CPLANE1: variants seen among roughly 807,000 people sequenced by gnomAD.
CPLANE1 encodes the protein ciliogenesis and planar polarity effector complex subunit 1, also known as ciliogenesis and planar polarity effector 1.
In CPLANE1, 263 loss-of-function variants were observed where a neutral mutation model predicts 362.5. That is an observed-to-expected ratio of 0.73 (90% confidence interval 0.66 to 0.80). CPLANE1 has a LOEUF of 0.80. Ranked by LOEUF, CPLANE1 falls within the 30% of genes least tolerant of loss-of-function variation. The pLI is 0.00. For synonymous variants in CPLANE1, 1,212 were observed against 1,302.6 expected (o/e 0.93, Z 1.50); for missense variants, 3,461 against 3,793.4 (o/e 0.91, Z 2.30).
At chr5:37,098,309 T>A in the CPLANE1 span, among the ~76,000 whole-genome samples, 2 of 140,548 alleles carry the variant, frequency 1.4e-5, no homozygotes, top group African/African-American at 5.4e-5. Context: ...GGGAATCACA[T>A]GAACCTGGGA....
At chr5:37,147,840 A>G (rs575965539) in intron 43 of CPLANE1, among the ~76,000 whole-genome samples, 1 of 152,138 alleles carries the variant, frequency 6.6e-6, no homozygotes, top group South Asian at 2.1e-4. Context: ...ACAGACAAAC[A>G]GCAACCTCAG....
At chr5:37,218,970 C>T (rs1321030921) in intron 15 of CPLANE1, among the ~76,000 whole-genome samples, 2 of 150,198 alleles carry the variant, frequency 1.3e-5, no homozygotes, top group Admixed American at 6.6e-5. Flanking sequence ...AAAATTAAAA[C>T]AAATGAATTA....
chr5:37,229,203 T>G (rs1383293306), intron 9 of CPLANE1, among the ~76,000 whole-genome samples: 2 of 136,218 alleles, frequency 1.5e-5, no homozygotes, highest in African/African-American at 2.8e-5. Flanking sequence ...GGTAACAGAG[T>G]GAGACTCGGT....
intron 37 of CPLANE1, 66 bp downstream of exon 37, chr5:37,164,207 A>G: frequency 8.2e-7 from 1 of 1,222,916 alleles, no homozygotes; most frequent in Non-Finnish European, 1.2e-6. Context: ...TTCATATTGT[A>G]CATATTTCTA....
At chr5:37,239,931 T>C in intron 6 of CPLANE1, 62 bp from the exon 7 acceptor site, 1 of 1,198,830 alleles carries the variant, frequency 8.3e-7, no homozygotes, top group Non-Finnish European at 1.1e-6. Flanking sequence ...TTATATGTAG[T>C]TCATTACAAA....
At chr5:37,198,408 T>C (rs144411342) in intron 20 of CPLANE1, among the ~76,000 whole-genome samples, 1 of 151,692 alleles carries the variant, frequency 6.6e-6, no homozygotes, top group African/African-American at 2.4e-5. Context: ...CTGGACTGAG[T>C]TTCAATCTTT....
Position 37,138,932 on chromosome 5 carries a change from G to C in CPLANE1, c.8664-84C>G, listed in dbSNP as rs190105248. 4 of 1,198,022 alleles carry C rather than the reference G, an allele frequency of 3.3e-6. No individual in the cohort carries two copies. The Admixed American group carries it at 7.0e-5, about 21-fold the overall frequency. The allele number at this position is 1,198,022 out of a possible 1,614,324, so 74.2% of individuals were successfully genotyped here. ...AAGCAAAAATAAACATGTAACAAAT[G>C]AACACAAAATGATAAACATATATCT... On this transcript the variant is annotated intron_variant, in intron 45 of 52. Transcript: ENST00000651892.
chr5:37,185,938 C>G lies in CPLANE1; in HGVS notation c.4189+348G>C, dbSNP rs541812465. 2.0e-5 allele frequency among the ~76,000 whole-genome samples: 3 copies of G among 152,304 alleles called. No individual in the cohort carries two copies. In the East Asian group the frequency reaches 5.8e-4, roughly 29 times the overall value. ...TGCAATATACAAAGTACCATATGCT[C>G]ATTTTATATTATCTTACTTAATCCT... On this transcript the variant is annotated intron_variant, in intron 24 of 52. Coordinates refer to ENST00000651892, the MANE Select transcript of CPLANE1 (RefSeq NM_001384732.1).
At chr5:37,247,864 C>A in intron 1 of CPLANE1, 119 bp from the exon 2 acceptor site, 7 of 624,912 alleles carry the variant, frequency 1.1e-5, no homozygotes, top group Non-Finnish European at 1.7e-5. Context: ...GTGATATGAT[C>A]TCAGCTCACT....
At chr5:37,128,344 T>C (rs1764818229) in intron 46 of CPLANE1, among the ~76,000 whole-genome samples, 1 of 152,184 alleles carries the variant, frequency 6.6e-6, no homozygotes, top group Non-Finnish European at 1.5e-5. Context: ...TCCATTCTGA[T>C]CACCTCATCT....
At chr5:37,085,698 TC>T in the CPLANE1 span, 1 of 1,166,434 alleles carries the variant, frequency 8.6e-7, no homozygotes, top group African/African-American at 1.5e-5. Flanking sequence ...ATGAAAGATG[TC>T]AATGGCAACA....
Position 37,170,047 on chromosome 5 carries a change from G to T in CPLANE1, c.6456C>A (p.Asn2152Lys), listed in dbSNP as rs186460995. The part of the protein sequence containing the change: ...TIPSGQNSTG[N>K]VQNVPHGSIP... ...GTATTTTTACATACATTACCTGTAC[G>T]TTTCCAGTACTATTTTGACCAGATG... is the stretch of plus-strand genomic sequence containing the variant. Residue 2152 changes from asparagine to lysine, a missense_variant, in exon 33 of 53, where the codon AAC (asparagine) becomes AAA (lysine). This residue lies in a region of CPLANE1 where 3,380 missense variants were observed against 3,666.1 expected (regional missense o/e 0.92). Coordinates refer to ENST00000651892, the MANE Select transcript of CPLANE1 (RefSeq NM_001384732.1). 10 of 1,613,524 alleles carry T rather than the reference G, an allele frequency of 6.2e-6. No individual in the cohort carries two copies. The African/African-American group carries it at 1.2e-4, about 19-fold the overall frequency.
intron 43 of CPLANE1, among the ~76,000 whole-genome samples, chr5:37,145,635 C>T (rs1312677776): frequency 6.6e-6 from 1 of 151,928 alleles, no homozygotes; most frequent in Non-Finnish European, 1.5e-5. Context: ...GTTAAAAATT[C>T]AAGAATAACC....
chr5:37,114,938 CTT>C lies in CPLANE1; in HGVS notation c.9400+20_9400+21del. 7.2e-7 allele frequency: 1 copy of C among 1,383,878 alleles called. No homozygotes were observed. The allele number at this position is 1,383,878 out of a possible 1,614,324, so 85.7% of individuals were successfully genotyped here. ...GAAAATTCAGTATTAAGTCTAAAAA[CTT>C]TATCTTCTTTATCCCTTACCTTTTT... On this transcript the variant is annotated intron_variant, in intron 51 of 52. Transcript: ENST00000651892.
rs1381740657 is a variant in CPLANE1 at position 37,169,324 on chromosome 5, G to A, written c.6700C>T (p.Gln2234Ter). The change falls in exon 34 of 53, where the codon CAA (glutamine) becomes TAA (stop). Residue 2234 changes from glutamine to a stop codon, truncating the protein, a stop_gained. Coordinates refer to ENST00000651892, the MANE Select transcript of CPLANE1 (RefSeq NM_001384732.1). LOFTEE classifies it high-confidence loss of function. ...TGTAAGAAAAGGGGCTGGAATTCTT[G>A]TTTAGACTTAAATTGAAGCAAAGGA... ...GFPLLQFKSK[Q>*]EFQPLFLHTG... 4 of 1,614,056 alleles carry A rather than the reference G, an allele frequency of 2.5e-6. No homozygotes were observed. The highest frequency in any genetic ancestry group is 1.7e-5 in the Admixed American group (1 of 59,992).
At chr5:37,141,349 G>C in intron 44 of CPLANE1, 1 of 985,310 alleles carries the variant, frequency 1.0e-6, no homozygotes, top group Non-Finnish European at 1.2e-6. Flanking sequence ...ATCCTCCCCA[G>C]AGAAGAGAAG....
intron 20 of CPLANE1, among the ~76,000 whole-genome samples, chr5:37,196,758 C>T (rs1172228458): frequency 6.6e-6 from 1 of 152,070 alleles, no homozygotes; most frequent in Non-Finnish European, 1.5e-5. Context: ...AACTCCATCT[C>T]TACTAAAAAC....
intron 42 of CPLANE1, among the ~76,000 whole-genome samples, chr5:37,151,405 T>C (rs1316486668): frequency 3.3e-5 from 5 of 152,242 alleles, no homozygotes; most frequent in African/African-American, 9.6e-5. Flanking sequence ...ATGTATGTAT[T>C]CATTGGTATA....
the CPLANE1 span, among the ~76,000 whole-genome samples, chr5:37,090,819 T>C: frequency 6.6e-6 from 1 of 152,240 alleles, no homozygotes; most frequent in Non-Finnish European, 1.5e-5. Flanking sequence ...GTTTATTTAT[T>C]GCAGAACCCT....
Sources: gnomAD v4.1 joint callset for allele counts (sites outside exome capture counted in the v4.1 genomes callset) on GRCh38, gnomAD v4.1.1 for gene constraint, gnomAD v4.1.1 regional missense constraint, MANE v1.5 for transcripts, NCBI Gene and HGNC (gene_info 2026-07-23, HGNC 2026-07-21) for gene names.